Variants in RNF175 observed in about 807,000 individuals in gnomAD.
The protein encoded by RNF175 is ring finger protein 175.
Under a neutral mutation model 50.0 loss-of-function variants are expected in RNF175, and 38 were observed. The observed-to-expected ratio is 0.76, with a 90% CI of 0.59 to 1.00. The LOEUF is 1.00. Among genes scored for constraint, RNF175 ranks in the 50% least tolerant of loss-of-function variants. The pLI is 0.00. For synonymous variants in RNF175, 155 were observed against 146.1 expected (o/e 1.06, Z -0.44); for missense variants, 388 against 409.6 (o/e 0.95, Z 0.46).
chr4:153,745,064 A>C (rs1352571888), intron 3 of RNF175, among the ~76,000 whole-genome samples: 1 of 152,242 alleles, frequency 6.6e-6, no homozygotes, highest in Admixed American at 6.5e-5. Flanking sequence ...TGTTGCAGGC[A>C]AGTTGAGTCC....
Position 153,758,797 on chromosome 4 carries a change from C to T in RNF175, c.66+1000G>A, listed in dbSNP as rs182329160. Reference sequence around the variant, plus strand: ...ATTAAAAAAAAAAAAATCTCCAAGCCATTTGGTACTGTTGTTCCCTCCATC... The same window carrying T: ...ATTAAAAAAAAAAAAATCTCCAAGCTATTTGGTACTGTTGTTCCCTCCATC... On this transcript the variant is annotated intron_variant, in intron 1 of 8. Transcript: ENST00000347063. 1.4e-3 allele frequency among the ~76,000 whole-genome samples: 218 copies of T among 152,110 alleles called. 3 individuals are homozygous for T. The highest frequency in any genetic ancestry group is 7.9e-3 in the South Asian group (38 of 4,810).
At chr4:153,754,414 G>C (rs1374441399) in intron 1 of RNF175, among the ~76,000 whole-genome samples, 1 of 152,136 alleles carries the variant, frequency 6.6e-6, no homozygotes, top group Non-Finnish European at 1.5e-5. Context: ...GAGCAGCTTG[G>C]AACTGCTTGG....
At chr4:153,723,761 C>T (rs1738499046) in intron 4 of RNF175, among the ~76,000 whole-genome samples, 1 of 152,118 alleles carries the variant, frequency 6.6e-6, no homozygotes, top group Non-Finnish European at 1.5e-5. Context: ...TTCCTGGGAC[C>T]CTGCCTCCCC....
chr4:153,750,413 C>T (rs746465074), intron 2 of RNF175, among the ~76,000 whole-genome samples: 4 of 152,164 alleles, frequency 2.6e-5, no homozygotes, highest in Non-Finnish European at 5.9e-5. Flanking sequence ...GTGCCCCCTG[C>T]TGGAAAAGGT....
chr4:153,748,843 A>AAAAAAAC (rs374019423), intron 2 of RNF175, 57 bp from the exon 3 acceptor site: 11 of 1,487,218 alleles, frequency 7.4e-6, no homozygotes, highest in East Asian at 7.2e-5. Flanking sequence ...GCATTTAGCA[A>AAAAAAAC]AAAAAACAAA....
intron 6 of RNF175, among the ~76,000 whole-genome samples, chr4:153,718,227 TTTG>T (rs1167529948): frequency 1.8e-4 from 2 of 11,400 alleles, no homozygotes; most frequent in Admixed American, 1.3e-3. Flanking sequence ...TGTTTGTTTG[TTTG>T]TTTGTTTGTT....
At position 153,759,836 on chromosome 4, in the gene RNF175, C is replaced by CT. The variant is rs1376560914; in HGVS notation, c.26dup (p.Ala10GlyfsTer165). 3 of 1,464,384 alleles carry CT rather than the reference C, an allele frequency of 2.0e-6. No individual in the cohort carries two copies. The African/African-American group carries it at 4.4e-5, about 22-fold the overall frequency. The allele number at this position is 1,464,384 out of a possible 1,614,324, so 90.7% of individuals were successfully genotyped here. On this transcript the variant is annotated frameshift_variant, in exon 1 of 9. Coordinates refer to ENST00000347063, the MANE Select transcript of RNF175 (RefSeq NM_173662.4). LOFTEE classifies it high-confidence loss of function. ...GGGGGGCCTCCAGCACCGGCGCTGC[C>CT]TTCCGCGCCGCCGTCCCCGCGGCCA...
intron 1 of RNF175, among the ~76,000 whole-genome samples, chr4:153,757,553 G>T (rs1740624604): frequency 1.3e-5 from 2 of 152,142 alleles, no homozygotes; most frequent in South Asian, 4.1e-4. Context: ...TAGGTTTAGA[G>T]GGCTGTATTC....
At chr4:153,712,874 C>G (rs914344503) in intron 7 of RNF175, among the ~76,000 whole-genome samples, 1 of 145,210 alleles carries the variant, frequency 6.9e-6, no homozygotes, top group African/African-American at 2.6e-5. Context: ...TTTTCCTTTA[C>G]AGTGATGTCT....
intron 1 of RNF175, among the ~76,000 whole-genome samples, chr4:153,753,856 G>C (rs879571715): frequency 6.6e-6 from 1 of 151,590 alleles, no homozygotes; most frequent in African/African-American, 2.4e-5. Flanking sequence ...ACTGTGCCTG[G>C]TGTCTTTTCT....
intron 6 of RNF175, among the ~76,000 whole-genome samples, chr4:153,717,121 A>T (rs1579034323): frequency 6.6e-6 from 1 of 152,150 alleles, no homozygotes; most frequent in African/African-American, 2.4e-5. Context: ...TTTGATATCA[A>T]TGTGGACTCA....
intron 3 of RNF175, among the ~76,000 whole-genome samples, chr4:153,741,556 C>T (rs957221277): frequency 6.6e-6 from 1 of 152,162 alleles, no homozygotes; most frequent in Non-Finnish European, 1.5e-5. Flanking sequence ...GCTGTGATTT[C>T]CTGCATTCAT....
At chr4:153,718,217 TG>T (rs367986403) in intron 6 of RNF175, among the ~76,000 whole-genome samples, 423 of 42,230 alleles carry the variant, frequency 0.01, 1 homozygote, top group African/African-American at 0.023. Context: ...GAGTTTTTTT[TG>T]TTTGTTTGTT....
intron 1 of RNF175, among the ~76,000 whole-genome samples, chr4:153,755,561 C>G (rs1740518857): frequency 7.7e-6 from 1 of 129,474 alleles, no homozygotes; most frequent in Non-Finnish European, 1.6e-5. Flanking sequence ...AATTGAAGAA[C>G]TCAGAAAGAA....
chr4:153,746,379 C>G (rs189096383), intron 3 of RNF175, among the ~76,000 whole-genome samples: 1 of 152,382 alleles, frequency 6.6e-6, no homozygotes, highest in Admixed American at 6.5e-5. Context: ...CCTTGCCCCC[C>G]CATGGCTTTG....
chr4:153,718,584 T>C (rs1050681803), intron 6 of RNF175, among the ~76,000 whole-genome samples: 2 of 152,190 alleles, frequency 1.3e-5, no homozygotes, highest in African/African-American at 4.8e-5. Flanking sequence ...TAAAGTCTCT[T>C]CTTCTTGGTC....
intron 1 of RNF175, among the ~76,000 whole-genome samples, chr4:153,755,217 C>T (rs1040232088): frequency 2.0e-5 from 3 of 152,256 alleles, no homozygotes; most frequent in African/African-American, 7.2e-5. Flanking sequence ...CAGACATGCC[C>T]CTTACACAGG....
At chr4:153,750,657 T>TAAACAAACAAACAAAC (rs57273214) in intron 2 of RNF175, among the ~76,000 whole-genome samples, 1 of 151,180 alleles carries the variant, frequency 6.6e-6, no homozygotes, top group Non-Finnish European at 1.5e-5. Flanking sequence ...GAAGCTCATT[T>TAAACAAACAAACAAAC]AAACAAACAA....
chr4:153,730,618 G>A lies in RNF175; in HGVS notation c.247-2257C>T, dbSNP rs529894422. On this transcript the variant is annotated intron_variant, in intron 3 of 8. Transcript: ENST00000347063. ...ATCTTTCAAAGTCTGATCATCTGTC[G>A]TTTGCATTTTTCCTCTTTCTATTTT... Among the ~76,000 whole-genome samples, 103 of 152,140 alleles carry A rather than the reference G, an allele frequency of 6.8e-4. 1 individual carries two copies. Among genetic ancestry groups the A allele is most frequent in the African/African-American group, 2.4e-3 (100 of 41,514 alleles).
Sources: gnomAD v4.1 joint callset for allele counts (sites outside exome capture counted in the v4.1 genomes callset) on GRCh38, gnomAD v4.1.1 for gene constraint, MANE v1.5 for transcripts, NCBI Gene and HGNC (gene_info 2026-07-23, HGNC 2026-07-21) for gene names.